Variants in LRRC40 observed in about 807,000 individuals in gnomAD.
LRRC40 encodes the protein leucine rich repeat containing 40.
In LRRC40, 76 loss-of-function variants were observed where a neutral mutation model predicts 72.8. The observed-to-expected ratio is 1.04, with a 90% CI of 0.87 to 1.26. LRRC40 has a LOEUF of 1.26. Among genes scored for constraint, LRRC40 ranks in the 50% most tolerant of loss-of-function variants. The pLI, the probability that LRRC40 is intolerant of heterozygous loss-of-function variation, is 0.00. For missense variants in LRRC40, 684 were observed against 698.9 expected, an observed-to-expected ratio of 0.98 and a Z score of 0.24; for synonymous variants, 243 against 254.2, an observed-to-expected ratio of 0.96 and a Z score of 0.42.
At position 70,203,009 on chromosome 1, in the gene LRRC40, G is replaced by A. The variant is rs1328176675; in HGVS notation, c.151+2381C>T. ...AGGCTCAAGCAATCCTCCCACCTCA[G>A]CCTTCCAAGTAGCTAGGACTAAAGG... On this transcript the variant is annotated intron_variant, in intron 1 of 14. Transcript: ENST00000370952. Among the ~76,000 whole-genome samples the A allele has an allele frequency of 2.6e-5, 4 of 152,104 alleles. No homozygotes were observed. In the East Asian group the frequency reaches 7.7e-4, roughly 29 times the overall value.
rs1668382571 is a variant in LRRC40 at position 70,187,339 on chromosome 1, C to G, written c.334-1G>C. On this transcript the variant is annotated splice_acceptor_variant, in intron 2 of 14. Coordinates refer to ENST00000370952, the MANE Select transcript of LRRC40 (RefSeq NM_017768.5). LOFTEE classifies it high-confidence loss of function. ...GGGATGTCAACTGATTATCATGTAT[C>G]TAAAAGTTTTTAAAAGACAAAGTCA... is the stretch of plus-strand genomic sequence containing the variant. 2 of 1,512,716 alleles carry G rather than the reference C, an allele frequency of 1.3e-6. No individual in the cohort carries two copies. 93.7% of individuals were successfully genotyped at this position (1,512,716 alleles called of 1,614,324 possible).
chr1:70,189,219 T>C lies in LRRC40; in HGVS notation c.206A>G (p.Asn69Ser), dbSNP rs1571486482. Residue 69 changes from asparagine to serine, a missense_variant, in exon 2 of 15, where the codon AAT (asparagine) becomes AGT (serine). Transcript: ENST00000370952. ...NVDIPEEANQ[N>S]LSFGATERWW... is the part of the protein sequence containing the mutation. ...TCTTTCAGTAGCACCAAACGAAAGA[T>C]TCTGATTAGCTTCCTCAGGGATATC... 1.2e-6 allele frequency: 2 copies of C among 1,612,956 alleles called. No homozygotes were observed. The highest frequency in any genetic ancestry group is 8.5e-7 in the Non-Finnish European group (1 of 1,179,914).
At chr1:70,160,782 A>G (rs1667739833) in intron 9 of LRRC40, among the ~76,000 whole-genome samples, 1 of 152,124 alleles carries the variant, frequency 6.6e-6, no homozygotes, top group East Asian at 1.9e-4. Context: ...TCCTTTCATT[A>G]TATATCTTTG....
chr1:70,152,018 T>C (rs907716275), intron 12 of LRRC40: 2 of 157,154 alleles, frequency 1.3e-5, no homozygotes, highest in African/African-American at 4.8e-5. Context: ...ATTCTTTTTC[T>C]ATATCTACAT....
At chr1:70,173,401 G>T in intron 9 of LRRC40, 64 bp downstream of exon 9, 1 of 1,130,176 alleles carries the variant, frequency 8.8e-7, no homozygotes, top group Non-Finnish European at 1.3e-6. Flanking sequence ...TTAAATTTAT[G>T]TACTATTAAT....
rs758996647 is a variant in LRRC40 at position 70,189,070 on chromosome 1, T to C, written c.333+22A>G. 15 of 1,591,664 alleles carry C rather than the reference T, an allele frequency of 9.4e-6. No individual in the cohort carries two copies. In the South Asian group the frequency reaches 1.4e-4, roughly 15 times the overall value. On this transcript the variant is annotated intron_variant, in intron 2 of 14. Coordinates refer to ENST00000370952, the MANE Select transcript of LRRC40 (RefSeq NM_017768.5). ...TAGAGTCTCTTCAATTAATAATCCA[T>C]ATTTATAGTCAGTCAACTTACATCA...
chr1:70,188,029 G>T (rs888874029), intron 2 of LRRC40, among the ~76,000 whole-genome samples: 5 of 152,112 alleles, frequency 3.3e-5, no homozygotes, highest in Admixed American at 2.0e-4. Context: ...TATGATTTAT[G>T]TCAATATATA....
In LRRC40 at chr1:70,152,354, G is replaced by C. The variant is rs976334262; in HGVS notation, c.1439+79C>G. On this transcript the variant is annotated intron_variant, in intron 12 of 14. Transcript: ENST00000370952. ...TCCATACATACCTAGGAAAATATGA[G>C]GTAAAAAGAATAAGTTAGACAAAAC... 8.1e-6 allele frequency: 6 copies of C among 739,556 alleles called. No individual in the cohort carries two copies. In the African/African-American group the frequency reaches 9.0e-5, roughly 11 times the overall value. 45.8% of individuals were successfully genotyped at this position (739,556 alleles called of 1,614,324 possible).
At chr1:70,190,841 A>G (rs1281969364) in intron 1 of LRRC40, among the ~76,000 whole-genome samples, 1 of 151,974 alleles carries the variant, frequency 6.6e-6, no homozygotes, top group Non-Finnish European at 1.5e-5. Flanking sequence ...GGTATTAACA[A>G]CACAGAATAT....
At chr1:70,187,454 C>G in intron 2 of LRRC40, 116 bp from the exon 3 acceptor site, 3 of 575,844 alleles carry the variant, frequency 5.2e-6, no homozygotes, top group Non-Finnish European at 9.4e-6. Context: ...AATTCAATGG[C>G]AACAAGTTGA....
At chr1:70,160,505 T>C (rs1181890317) in intron 9 of LRRC40, among the ~76,000 whole-genome samples, 1 of 152,172 alleles carries the variant, frequency 6.6e-6, no homozygotes, top group African/African-American at 2.4e-5. Context: ...AATGCTCTAG[T>C]AGTAGTACTA....
At chr1:70,192,066 AC>A (rs2100337489) in intron 1 of LRRC40, among the ~76,000 whole-genome samples, 1 of 152,162 alleles carries the variant, frequency 6.6e-6, no homozygotes, top group East Asian at 1.9e-4. Context: ...GGGGAGTATG[AC>A]CATTTTAATG....
At chr1:70,162,070 G>A (rs1489595954) in intron 9 of LRRC40, among the ~76,000 whole-genome samples, 1 of 152,078 alleles carries the variant, frequency 6.6e-6, no homozygotes, top group Non-Finnish European at 1.5e-5. Flanking sequence ...AAAAGAATTT[G>A]CCATCTTTTA....
intron 14 of LRRC40, chr1:70,146,908 G>T (rs1374306092): frequency 6.6e-6 from 1 of 152,062 alleles, no homozygotes; most frequent in Non-Finnish European, 1.5e-5. Context: ...ATTTTTAACA[G>T]TTAAGTGTTT....
chr1:70,187,407 T>C, intron 2 of LRRC40, 69 bp from the exon 3 acceptor site: 1 of 755,248 alleles, frequency 1.3e-6, no homozygotes, highest in Non-Finnish European at 2.3e-6. Flanking sequence ...GCTTTGCCAG[T>C]GTACAAAACT....
intron 6 of LRRC40, among the ~76,000 whole-genome samples, chr1:70,178,047 G>A (rs1314667862): frequency 6.6e-6 from 1 of 152,044 alleles, no homozygotes; most frequent in Admixed American, 6.6e-5. Flanking sequence ...AATACATATG[G>A]CATACAAATT....
At chr1:70,178,343 A>G (rs989333031) in intron 6 of LRRC40, among the ~76,000 whole-genome samples, 12 of 152,230 alleles carry the variant, frequency 7.9e-5, no homozygotes, top group African/African-American at 2.9e-4. Flanking sequence ...TTTATATATC[A>G]TCACTCTGTT....
At chr1:70,188,785 A>G (rs1173305756) in intron 2 of LRRC40, among the ~76,000 whole-genome samples, 3 of 152,212 alleles carry the variant, frequency 2.0e-5, no homozygotes, top group African/African-American at 7.2e-5. Flanking sequence ...GTATTCATTA[A>G]CTTATTTAAT....
At chr1:70,171,318 A>T (rs1342147998) in intron 9 of LRRC40, among the ~76,000 whole-genome samples, 1 of 151,982 alleles carries the variant, frequency 6.6e-6, no homozygotes, top group Non-Finnish European at 1.5e-5. Flanking sequence ...TTAAAAAAAA[A>T]TGAACAAAAA....
Sources: gnomAD v4.1 joint callset for allele counts (sites outside exome capture counted in the v4.1 genomes callset) on GRCh38, gnomAD v4.1.1 for gene constraint, MANE v1.5 for transcripts, NCBI Gene and HGNC (gene_info 2026-07-23, HGNC 2026-07-21) for gene names.